Variants in DIAPH3 observed in about 807,000 individuals in gnomAD.
DIAPH3 encodes diaphanous related formin 3.
In DIAPH3, 117 loss-of-function variants were observed where a neutral mutation model predicts 144.3. That is an observed-to-expected ratio of 0.81 (90% CI 0.70 to 0.95). DIAPH3 has a LOEUF of 0.95. Ranked by LOEUF, DIAPH3 falls within the 40% of genes least tolerant of loss-of-function variation. The pLI is 0.00. For synonymous variants in DIAPH3, 519 were observed against 488.9 expected, an observed-to-expected ratio of 1.06 and a Z score of -0.81; for missense variants, 1,421 against 1,412.7, an observed-to-expected ratio of 1.01 and a Z score of -0.09.
At chr13:60,032,933 G>C (rs1354425336) in intron 5 of DIAPH3, among the ~76,000 whole-genome samples, 3 of 152,174 alleles carry the variant, frequency 2.0e-5, no homozygotes, top group East Asian at 1.9e-4. Context: ...TTGGAACATA[G>C]GCAATTACAA....
intron 25 of DIAPH3, among the ~76,000 whole-genome samples, chr13:59,785,113 C>T (rs1204120795): frequency 6.6e-6 from 1 of 152,130 alleles, no homozygotes; most frequent in East Asian, 1.9e-4. Context: ...AGTTAGAAAG[C>T]CGATTTTCAT....
At chr13:60,158,404 T>C (rs1198649022) in intron 1 of DIAPH3, among the ~76,000 whole-genome samples, 1 of 152,224 alleles carries the variant, frequency 6.6e-6, no homozygotes, top group East Asian at 1.9e-4. Flanking sequence ...AGGATTTGGC[T>C]GCAACACACT....
At chr13:59,793,551 T>A (rs1283443307) in intron 25 of DIAPH3, among the ~76,000 whole-genome samples, 1 of 152,184 alleles carries the variant, frequency 6.6e-6, no homozygotes, top group Non-Finnish European at 1.5e-5. Context: ...TTTGAAATGG[T>A]CTCTTCCTTG....
chr13:59,956,372 G>T (rs1478452134), intron 17 of DIAPH3, among the ~76,000 whole-genome samples: 1 of 152,120 alleles, frequency 6.6e-6, no homozygotes, highest in Non-Finnish European at 1.5e-5. Context: ...TGTCCCAGCT[G>T]TAGCTAAAGG....
At chr13:59,710,354 A>T (rs950633688) in intron 27 of DIAPH3, among the ~76,000 whole-genome samples, 1 of 152,106 alleles carries the variant, frequency 6.6e-6, no homozygotes, top group Non-Finnish European at 1.5e-5. Context: ...AAACCCCAAC[A>T]ACTTCATTTT....
At chr13:59,792,765 G>A (rs749009784) in intron 25 of DIAPH3, among the ~76,000 whole-genome samples, 1 of 152,002 alleles carries the variant, frequency 6.6e-6, no homozygotes, top group East Asian at 1.9e-4. Flanking sequence ...TGGTTCACAC[G>A]CTGGTATCTT....
chr13:60,006,727 G>A (rs1420127539), intron 9 of DIAPH3, among the ~76,000 whole-genome samples: 1 of 152,104 alleles, frequency 6.6e-6, no homozygotes, highest in Non-Finnish European at 1.5e-5. Context: ...AAAAGAGGAG[G>A]AGACTGGAAA....
intron 4 of DIAPH3, 84 bp from the exon 5 acceptor site, chr13:60,042,904 C>T: frequency 6.9e-7 from 1 of 1,447,484 alleles, no homozygotes; most frequent in Non-Finnish European, 9.6e-7. Flanking sequence ...TCCCTAACAG[C>T]AGCACATAAC....
intron 17 of DIAPH3, among the ~76,000 whole-genome samples, chr13:59,962,084 T>TA (rs1239170836): frequency 5.3e-5 from 8 of 151,766 alleles, no homozygotes; most frequent in South Asian, 4.2e-4. Flanking sequence ...TTCTTTGAAT[T>TA]AAAAAAAAGA....
chr13:59,991,238 T>G lies in DIAPH3; in HGVS notation c.1281A>C (p.Thr427=). ...ATCCCTCTGCTCTAGTTTCTTTAAC[T>G]GTGCTCCACACCATGTTGTAAACAT... The part of the protein sequence containing the change: ...AYDVYNMVWS[T]VKETRAEGYF... The change falls in exon 12 of 28, where the codon ACA becomes ACC. Residue 427 remains threonine (T), a synonymous_variant. Coordinates refer to ENST00000400324, the MANE Select transcript of DIAPH3 (RefSeq NM_001042517.2). 6.2e-7 allele frequency: 1 copy of G among 1,611,444 alleles called. No individual in the cohort carries two copies. The highest frequency in any genetic ancestry group is 8.5e-7 in the Non-Finnish European group (1 of 1,178,524).
At chr13:59,675,879 G>A (rs1049168191) in intron 27 of DIAPH3, among the ~76,000 whole-genome samples, 2 of 152,140 alleles carry the variant, frequency 1.3e-5, no homozygotes, top group African/African-American at 4.8e-5. Context: ...GAAGAGGCTG[G>A]GGAGAGGTAG....
chr13:60,066,821 C>T (rs140023768), intron 4 of DIAPH3, among the ~76,000 whole-genome samples: 4 of 152,330 alleles, frequency 2.6e-5, no homozygotes, highest in South Asian at 2.1e-4. Context: ...CAACAGCTTA[C>T]ATTCATTTTA....
intron 2 of DIAPH3, among the ~76,000 whole-genome samples, chr13:60,113,291 A>G (rs1361135908): frequency 6.6e-6 from 1 of 152,224 alleles, no homozygotes; most frequent in Non-Finnish European, 1.5e-5. Context: ...AAAAAGTTTT[A>G]ATGGACAGAG....
rs2050326146 is a variant in DIAPH3 at position 59,970,899 on chromosome 13, T to C, written c.1912A>G (p.Lys638Glu). The change falls in exon 16 of 28, where the codon AAA becomes GAA. Residue 638 changes from lysine (K) to glutamate (E), a missense_variant. Physicochemically the swap from Lys to Glu is moderately conservative, Grantham distance 56. Transcript: ENST00000400324. The part of the protein sequence containing the change: ...PILPFGLKPK[K>E]EFKPEISMRR... ...ATGCTGATTTCAGGTTTAAATTCTTTCTTTGGTTTCAACCCAAATGGCAGG... is the reference window on the plus strand; with the variant it reads ...ATGCTGATTTCAGGTTTAAATTCTTCCTTTGGTTTCAACCCAAATGGCAGG... 6 of 1,613,870 alleles carry C rather than the reference T, an allele frequency of 3.7e-6. 1 individual carries two copies. The highest frequency in any genetic ancestry group is 2.2e-5 in the East Asian group (1 of 44,864).
intron 4 of DIAPH3, among the ~76,000 whole-genome samples, chr13:60,078,460 T>C (rs1372967805): frequency 6.6e-6 from 1 of 152,104 alleles, no homozygotes; most frequent in Non-Finnish European, 1.5e-5. Context: ...GGTTACTGCA[T>C]GTTTGCACAT....
intron 1 of DIAPH3, among the ~76,000 whole-genome samples, chr13:60,150,297 TTA>T (rs1366377826): frequency 2.0e-5 from 3 of 152,082 alleles, no homozygotes; most frequent in African/African-American, 7.2e-5. Flanking sequence ...AGTGCTGGGA[TTA>T]TAGACATGAG....
chr13:59,919,344 A>G (rs1383976046), intron 18 of DIAPH3, among the ~76,000 whole-genome samples: 1 of 152,168 alleles, frequency 6.6e-6, no homozygotes, highest in Non-Finnish European at 1.5e-5. Context: ...ATTGAATCCA[A>G]TACTACACCA....
chr13:59,853,616 T>G (rs1161623256), intron 22 of DIAPH3, among the ~76,000 whole-genome samples: 1 of 152,174 alleles, frequency 6.6e-6, no homozygotes, highest in Admixed American at 6.5e-5. Flanking sequence ...CTGTATAGCC[T>G]GTGTAACTGC....
At chr13:60,011,916 T>C (rs748752224) in intron 7 of DIAPH3, among the ~76,000 whole-genome samples, 1 of 152,100 alleles carries the variant, frequency 6.6e-6, no homozygotes, top group African/African-American at 2.4e-5. Context: ...TAATGATGTA[T>C]CTATGAAAGA....
Sources: allele counts gnomAD v4.1 joint callset (sites outside exome capture counted in the v4.1 genomes callset), GRCh38; gene constraint gnomAD v4.1.1; transcripts MANE v1.5; gene names NCBI Gene and HGNC (gene_info 2026-07-23, HGNC 2026-07-21).